MTHFD2: variants seen among roughly 807,000 people sequenced by gnomAD.
The protein encoded by MTHFD2 is methylenetetrahydrofolate dehydrogenase (NADP+ dependent) 2, methenyltetrahydrofolate cyclohydrolase.
In MTHFD2, 26 loss-of-function variants were observed where a neutral mutation model predicts 36.8. The ratio of observed to expected loss-of-function variants is 0.71; its 90% CI spans 0.52 to 0.98. MTHFD2 has a LOEUF of 0.98. Among genes scored for constraint, MTHFD2 ranks in the 50% least tolerant of loss-of-function variants. The probability of loss-of-function intolerance (pLI) is 0.00; values close to 1 mark genes in which losing one functional copy is unlikely to be tolerated. For synonymous variants in MTHFD2, 164 were observed against 155.2 expected (o/e 1.06, Z -0.42); for missense variants, 373 against 434.0 (o/e 0.86, Z 1.25).
At chr2:74,211,939 ATTTACT>A in intron 7 of MTHFD2, 73 bp downstream of exon 7, 8 of 567,254 alleles carry the variant, frequency 1.4e-5, no homozygotes, top group South Asian at 8.3e-5. Flanking sequence ...AGGATAGATT[ATTTACT>A]TTTTTTTTTT....
chr2:74,214,280 C>T lies in MTHFD2; in HGVS notation c.*38C>T, dbSNP rs1694381349. The T allele has an allele frequency of 1.3e-6, 2 of 1,594,458 alleles. No individual in the cohort carries two copies. Among genetic ancestry groups the T allele is most frequent in the African/African-American group, 1.4e-5 (1 of 74,054 alleles). ...CTGTGTCACAAACAGCACTCCAGGC[C>T]AGCTCAAGAAGCAAAGCAGGCCAAT... On this transcript the variant is annotated 3_prime_UTR_variant, in exon 8 of 8. Coordinates refer to ENST00000394053, the MANE Select transcript of MTHFD2 (RefSeq NM_006636.4).
intron 6 of MTHFD2, 26 bp from the exon 7 acceptor site, chr2:74,211,715 T>C (rs1028665263): frequency 6.9e-6 from 11 of 1,597,070 alleles, no homozygotes; most frequent in Admixed American, 6.8e-5. Context: ...CAGTACTAAG[T>C]TGATCTTTCC....
Position 74,208,572 on chromosome 2 carries a change from A to G in MTHFD2, c.413A>G (p.His138Arg), listed in dbSNP as rs776571267. 7.4e-6 allele frequency: 12 copies of G among 1,613,878 alleles called. No homozygotes were observed. The East Asian group carries it at 2.4e-4, about 33-fold the overall frequency. ...GLLVQLPLPE[H>R]IDERRICNAV... ...ACTGTGCCAATTTCTTTTTCAGAGC[A>G]TATTGATGAGAGAAGGATCTGCAAT... The change falls in exon 4 of 8, where the codon CAT (histidine) becomes CGT (arginine). Residue 138 changes from histidine (H) to arginine (R), a missense_variant. His to Arg is a conservative substitution (Grantham distance 29). Around this residue, in one of 2 missense-constraint regions of MTHFD2, gnomAD observed 308 missense variants for 397.8 expected, o/e 0.77. Transcript: ENST00000394053.
chr2:74,206,034 C>A, intron 2 of MTHFD2, 145 bp downstream of exon 2: 1 of 767,630 alleles, frequency 1.3e-6, no homozygotes, highest in Non-Finnish European at 2.1e-6. Context: ...AAAACTTTGT[C>A]ATAGGAAATC....
intron 2 of MTHFD2, 36 bp from the exon 3 acceptor site, chr2:74,207,668 C>A (rs968155800): frequency 6.3e-7 from 1 of 1,577,438 alleles, no homozygotes; most frequent in Non-Finnish European, 8.7e-7. Flanking sequence ...TTAAATGCCT[C>A]AAAAATTTTT....
At chr2:74,208,363 A>G (rs1327984772) in intron 3 of MTHFD2, among the ~76,000 whole-genome samples, 1 of 152,230 alleles carries the variant, frequency 6.6e-6, no homozygotes, top group Non-Finnish European at 1.5e-5. Flanking sequence ...TACAAAGGAC[A>G]GTGGAGGGAA....
intron 1 of MTHFD2, among the ~76,000 whole-genome samples, chr2:74,203,750 A>G (rs1305196538): frequency 6.6e-6 from 1 of 152,124 alleles, no homozygotes; most frequent in Non-Finnish European, 1.5e-5. Context: ...ATTGGTCTTG[A>G]GGTTAGAGCA....
intron 7 of MTHFD2, 27 bp downstream of exon 7, chr2:74,211,893 A>G (rs756561557): frequency 6.3e-7 from 1 of 1,589,172 alleles, no homozygotes; most frequent in Non-Finnish European, 8.6e-7. Flanking sequence ...TATTTTTAAA[A>G]ATGAAATCAA....
intron 1 of MTHFD2, among the ~76,000 whole-genome samples, chr2:74,202,983 T>C (rs1158908537): frequency 2.0e-5 from 3 of 152,202 alleles, no homozygotes; most frequent in African/African-American, 7.2e-5. Flanking sequence ...TAAAAGTATT[T>C]GATTTGCTGT....
intron 3 of MTHFD2, among the ~76,000 whole-genome samples, chr2:74,208,031 C>T (rs10209904): frequency 6.6e-6 from 1 of 152,086 alleles, no homozygotes; most frequent in Non-Finnish European, 1.5e-5. Context: ...GCCTTAGCCT[C>T]CCAAATAGCT....
At chr2:74,202,195 AT>A (rs1242184502) in intron 1 of MTHFD2, among the ~76,000 whole-genome samples, 3 of 152,052 alleles carry the variant, frequency 2.0e-5, no homozygotes, top group Admixed American at 2.0e-4. Flanking sequence ...ATATACTTAT[AT>A]ATATCTCCTT....
intron 2 of MTHFD2, among the ~76,000 whole-genome samples, chr2:74,206,900 G>T (rs913885254): frequency 2.1e-4 from 32 of 151,922 alleles, no homozygotes; most frequent in African/African-American, 7.5e-4. Context: ...TAGAGATGGG[G>T]TTTCTCCATG....
chr2:74,207,396 G>T (rs571852434), intron 2 of MTHFD2, among the ~76,000 whole-genome samples: 1 of 152,268 alleles, frequency 6.6e-6, no homozygotes, highest in East Asian at 1.9e-4. Flanking sequence ...CCAAAGTGCT[G>T]GGATTACAGG....
Position 74,200,216 on chromosome 2 carries a change from T to A in MTHFD2, c.101+1474T>A, listed in dbSNP as rs185154325. Among the ~76,000 whole-genome samples, 340 of 152,330 alleles carry A rather than the reference T, an allele frequency of 2.2e-3. 10 individuals are homozygous for A. Among genetic ancestry groups the A allele is most frequent in the Admixed American group, 0.02 (312 of 15,294 alleles). On this transcript the variant is annotated intron_variant, in intron 1 of 7. Transcript: ENST00000394053. ...TCCCCTTCTCCCTCTTCCTGAGTGC[T>A]GGCCTCATGTGACTGTGGACCAGAC... is the stretch of plus-strand genomic sequence containing the variant.
intron 1 of MTHFD2, among the ~76,000 whole-genome samples, 175 bp downstream of exon 1, chr2:74,198,917 C>G (rs1357173679): frequency 6.6e-6 from 1 of 152,124 alleles, no homozygotes; most frequent in Non-Finnish European, 1.5e-5. Flanking sequence ...CGCCGCAGCT[C>G]TCGACTGGGG....
At chr2:74,203,886 GTTTAGTTTAGTTTAGTTTAGTTAGT>G (rs1415325286) in intron 1 of MTHFD2, among the ~76,000 whole-genome samples, 43 of 32,326 alleles carry the variant, frequency 1.3e-3, no homozygotes, top group Admixed American at 3.7e-3. Flanking sequence ...GTTTAGTTTA[GTTTAGTTTAGTTTAGTTTAGTTAGT>G]TTAGTTTAGT....
intron 1 of MTHFD2, among the ~76,000 whole-genome samples, chr2:74,200,863 C>T (rs531388313): frequency 1.3e-5 from 2 of 152,170 alleles, no homozygotes; most frequent in Admixed American, 6.6e-5. Context: ...AACAACTCTT[C>T]CCTAAATCAC....
chr2:74,198,663 T>G lies in MTHFD2; in HGVS notation c.22T>G (p.Ser8Ala), dbSNP rs2103796255. MAATSLM[S>A]ALAARLLQPA... ...GTCTATGGCTGCGACTTCTCTAATGTCTGCTTTGGCTGCCCGGCTGCTGCA... is the reference window on the plus strand; with the variant it reads ...GTCTATGGCTGCGACTTCTCTAATGGCTGCTTTGGCTGCCCGGCTGCTGCA... Residue 8 changes from serine to alanine, a missense_variant, in exon 1 of 8, where the codon TCT (serine) becomes GCT (alanine). Around this residue, in one of 2 missense-constraint regions of MTHFD2, gnomAD observed 65 missense variants for 36.1 expected, o/e 1.80. Transcript: ENST00000394053. 1 of 1,610,878 alleles carries G rather than the reference T, an allele frequency of 6.2e-7. No individual in the cohort carries two copies. The highest frequency in any genetic ancestry group is 8.5e-7 in the Non-Finnish European group (1 of 1,178,830).
chr2:74,202,508 CT>C (rs1694064032), intron 1 of MTHFD2, among the ~76,000 whole-genome samples: 1 of 151,968 alleles, frequency 6.6e-6, no homozygotes, highest in East Asian at 1.9e-4. Context: ...CAAAACCCCC[CT>C]ATTTTAATTT....
Sources: allele counts gnomAD v4.1 joint callset (sites outside exome capture counted in the v4.1 genomes callset), GRCh38; gene constraint gnomAD v4.1.1; regional missense constraint gnomAD v4.1.1; transcripts MANE v1.5; gene names NCBI Gene and HGNC (gene_info 2026-07-23, HGNC 2026-07-21).